The following ZFP64 variants were observed in gnomAD, a reference collection of about 807,000 sequenced individuals.
The protein encoded by ZFP64 is zinc finger protein 64.
ZFP64 carries 14 observed loss-of-function variants against 51.6 expected under a neutral mutation model. The ratio of observed to expected loss-of-function variants is 0.27; its 90% confidence interval spans 0.18 to 0.42. ZFP64 has a LOEUF of 0.42. Among genes scored for constraint, ZFP64 ranks in the 10% least tolerant of loss-of-function variants. The pLI is 1.00. For synonymous variants in ZFP64, 375 were observed against 361.4 expected, an observed-to-expected ratio of 1.04 and a Z score of -0.43; for missense variants, 754 against 906.8, an observed-to-expected ratio of 0.83 and a Z score of 2.16.
At position 52,191,332 on chromosome 20, in the gene ZFP64, C is replaced by T. The variant is rs912546074; in HGVS notation, c.46+259G>A. On this transcript the variant is annotated intron_variant, in intron 1 of 5. Transcript: ENST00000216923. This position sits in a 1 kb window ranked among gnomAD's most constrained non-coding sequence, Gnocchi z 4.3. ...GATTGTCTGAACGGCGTGCCCTCCC[C>T]CACTGTTCCCTTCCAAGGGGTCTCG... is the stretch of plus-strand genomic sequence containing the variant. Among the ~76,000 whole-genome samples the T allele has an allele frequency of 6.6e-6, 1 of 152,178 alleles. No homozygotes were observed. Among genetic ancestry groups the T allele is most frequent in the Non-Finnish European group, 1.5e-5 (1 of 68,026 alleles).
downstream of ZFP64, among the ~76,000 whole-genome samples, chr20:52,148,480 C>T (rs1980629418): frequency 6.6e-6 from 1 of 152,220 alleles, no homozygotes; most frequent in Non-Finnish European, 1.5e-5. Context: ...GTGGGCAGAT[C>T]ACTGGAGGCC....
intron 5 of ZFP64, among the ~76,000 whole-genome samples, chr20:52,145,962 T>C (rs1341460457): frequency 6.6e-6 from 1 of 152,250 alleles, no homozygotes; most frequent in African/African-American, 2.4e-5. Flanking sequence ...AAATCTTTTG[T>C]AATAACACTC....
intron 2 of ZFP64, among the ~76,000 whole-genome samples, chr20:52,172,198 TG>T (rs1982801863): frequency 2.0e-5 from 3 of 151,476 alleles, no homozygotes; most frequent in African/African-American, 7.3e-5. Context: ...TGTGTGTGTG[TG>T]TGTTGGTGTG....
intron 5 of ZFP64, among the ~76,000 whole-genome samples, chr20:52,111,766 G>A (rs1397326981): frequency 6.6e-6 from 1 of 152,092 alleles, no homozygotes; most frequent in African/African-American, 2.4e-5. Flanking sequence ...TAAAAGCACA[G>A]TTTGGAGCCA....
At chr20:52,118,446 G>C (rs1486752531) in intron 5 of ZFP64, among the ~76,000 whole-genome samples, 2 of 152,154 alleles carry the variant, frequency 1.3e-5, no homozygotes. Context: ...CAGGCCTGGA[G>C]TGGTCAGTGT....
At chr20:52,170,103 C>T (rs1205140655) in intron 2 of ZFP64, among the ~76,000 whole-genome samples, 2 of 151,794 alleles carry the variant, frequency 1.3e-5, no homozygotes, top group East Asian at 3.9e-4. Context: ...ACTTTTGTTG[C>T]CTGTGCTTTG....
intron 5 of ZFP64, among the ~76,000 whole-genome samples, chr20:52,126,015 GT>G (rs568944109): frequency 6.6e-6 from 1 of 151,960 alleles, no homozygotes; most frequent in South Asian, 2.1e-4. Context: ...ATTCTCCTGT[GT>G]TAGCGTTCTG....
At chr20:52,159,996 T>C (rs754721213) in intron 5 of ZFP64, 127 bp downstream of exon 5, 134 of 1,499,690 alleles carry the variant, frequency 8.9e-5, no homozygotes, top group Middle Eastern at 2.4e-4. Context: ...AAAACAAAAC[T>C]GCAAACAACG....
chr20:52,104,681 G>A (rs1344624535), intron 5 of ZFP64: 1 of 473,302 alleles, frequency 2.1e-6, no homozygotes, highest in South Asian at 1.5e-5. Context: ...CCCATCCTTC[G>A]GGTCTTCGCT....
rs1252330506 is a variant in ZFP64 at position 52,160,028 on chromosome 20, C to G, written c.763+95G>C. On this transcript the variant is annotated intron_variant, in intron 5 of 5. Transcript: ENST00000216923. This position sits in a 1 kb window ranked among gnomAD's most constrained non-coding sequence, Gnocchi z 4.2. Reference sequence around the variant, plus strand: ...AACGGGATGAGCAAAGGTTCCAACTCGATTTCTTACATTGTGGCTGAATGC... The same window carrying G: ...AACGGGATGAGCAAAGGTTCCAACTGGATTTCTTACATTGTGGCTGAATGC... The G allele has an allele frequency of 6.4e-7, 1 of 1,568,540 alleles. No homozygotes were observed.
intron 5 of ZFP64, among the ~76,000 whole-genome samples, chr20:52,144,478 G>A (rs570315340): frequency 6.7e-5 from 10 of 150,232 alleles, no homozygotes; most frequent in African/African-American, 2.4e-4. Flanking sequence ...TATTCGGGAG[G>A]CTGAGGCAGG....
chr20:52,115,412 C>CTT (rs764698548), intron 5 of ZFP64, among the ~76,000 whole-genome samples: 12 of 124,104 alleles, frequency 9.7e-5, no homozygotes, highest in African/African-American at 1.6e-4. Context: ...CTCGCTACAG[C>CTT]TTTTTTTTTT....
At chr20:52,181,772 G>A (rs979134322) in intron 2 of ZFP64, among the ~76,000 whole-genome samples, 12 of 152,160 alleles carry the variant, frequency 7.9e-5, no homozygotes, top group African/African-American at 2.9e-4. Flanking sequence ...GGTGGAGCCC[G>A]GGCACCGGTA....
intron 5 of ZFP64, among the ~76,000 whole-genome samples, chr20:52,119,311 G>A (rs1169203074): frequency 6.6e-6 from 1 of 151,386 alleles, no homozygotes; most frequent in Non-Finnish European, 1.5e-5. Context: ...GAGGTCAGGA[G>A]TTCAAGATCA....
At chr20:52,110,667 T>A in intron 5 of ZFP64, 1 of 1,449,930 alleles carries the variant, frequency 6.9e-7, no homozygotes, top group Non-Finnish European at 9.4e-7. Context: ...CCAGGCCACC[T>A]GGCATAGCTA....
intron 5 of ZFP64, among the ~76,000 whole-genome samples, chr20:52,112,831 G>A (rs1978664964): frequency 6.6e-6 from 1 of 151,852 alleles, no homozygotes; most frequent in Non-Finnish European, 1.5e-5. Flanking sequence ...TGCCCAGGCT[G>A]GTCTTGAACT....
chr20:52,165,718 G>T, intron 3 of ZFP64, 146 bp downstream of exon 3: 4 of 1,058,866 alleles, frequency 3.8e-6, no homozygotes, highest in Non-Finnish European at 5.7e-6. Context: ...TGTATGTGCT[G>T]ATGTAAATGC....
In ZFP64 at chr20:52,152,193, C is replaced by A. The variant is rs1179192993; in HGVS notation, c.1999G>T (p.Ala667Ser). Residue 667 changes from alanine to serine, a missense_variant, in exon 6 of 6, where the codon GCA (alanine) becomes TCA (serine). Ala to Ser is a moderately conservative substitution (Grantham distance 99). Around this residue, in one of 3 missense-constraint regions of ZFP64, gnomAD observed 428 missense variants for 472.4 expected, o/e 0.91. Coordinates refer to ENST00000216923, the MANE Select transcript of ZFP64 (RefSeq NM_018197.3). ...GGACAGAGCAAAGCTGGATGGGCTG[C>A]CCCTTGAATGATGGAGTAGGTCTGC... Reference protein sequence around the residue: ...PKQTYSIIQGAAHPALLCPAD... With the variant: ...PKQTYSIIQGSAHPALLCPAD... 6.2e-7 allele frequency: 1 copy of A among 1,614,126 alleles called. No individual in the cohort carries two copies. Among genetic ancestry groups the A allele is most frequent in the Non-Finnish European group, 8.5e-7 (1 of 1,180,032 alleles).
intron 2 of ZFP64, among the ~76,000 whole-genome samples, chr20:52,179,940 G>A (rs1983496155): frequency 6.6e-6 from 1 of 152,230 alleles, no homozygotes; most frequent in Non-Finnish European, 1.5e-5. Context: ...AGGCAAAGAA[G>A]TAATGTCACT....
Sources: allele counts gnomAD v4.1 joint callset (sites outside exome capture counted in the v4.1 genomes callset), GRCh38; gene constraint gnomAD v4.1.1; regional missense constraint gnomAD v4.1.1; non-coding constraint Gnocchi (gnomAD v3.1); transcripts MANE v1.5; gene names NCBI Gene and HGNC (gene_info 2026-07-23, HGNC 2026-07-21).